CERS6: variants seen among roughly 807,000 people sequenced by gnomAD.
The protein encoded by CERS6 is LAG1 homolog, ceramide synthase 6.
In CERS6, 26 loss-of-function variants were observed where a neutral mutation model predicts 56.8. The observed-to-expected ratio is 0.46, with a 90% CI of 0.34 to 0.63. The LOEUF (loss-of-function observed/expected upper bound fraction) is 0.63. Among genes scored for constraint, CERS6 ranks in the 30% least tolerant of loss-of-function variants. CERS6 has a pLI of 0.01. For missense variants in CERS6, 415 were observed against 467.5 expected (o/e 0.89, Z 1.04); for synonymous variants, 164 against 173.3 (o/e 0.95, Z 0.42).
intron 3 of CERS6, among the ~76,000 whole-genome samples, chr2:168,622,071 A>G (rs913485538): frequency 6.6e-6 from 1 of 152,194 alleles, no homozygotes; most frequent in Non-Finnish European, 1.5e-5. Context: ...CACAGAGACT[A>G]ATACAATAAA....
rs746238053 is a variant in CERS6 at position 168,769,655 on chromosome 2, A to G, written c.1148A>G (p.Asp383Gly). Reference sequence around the variant, plus strand: ...CTCCTGACTGGCTCCTGCTCCATGGATGATTAATTACTCAAAACTACAAGT... The same window carrying G: ...CTCCTGACTGGCTCCTGCTCCATGGGTGATTAATTACTCAAAACTACAAGT... ...GYLLTGSCSM[D>G]D Residue 383 changes from aspartate (D) to glycine (G), a missense_variant, in exon 10 of 10, where the codon GAT (aspartate) becomes GGT (glycine). By Grantham distance (94) the Asp-to-Gly change is moderately conservative. Transcript: ENST00000305747. 2 of 1,609,998 alleles carry G rather than the reference A, an allele frequency of 1.2e-6. No homozygotes were observed. Among genetic ancestry groups the G allele is most frequent in the Admixed American group, 1.7e-5 (1 of 59,058 alleles).
At position 168,717,941 on chromosome 2, in the gene CERS6, G is replaced by A. The variant is rs775234472; in HGVS notation, c.808G>A (p.Val270Ile). 1 of 1,613,546 alleles carries A rather than the reference G, an allele frequency of 6.2e-7. No homozygotes were observed. Among genetic ancestry groups the A allele is most frequent in the Non-Finnish European group, 8.5e-7 (1 of 1,179,634 alleles). ...TCTCCTGTTTGTTATGTTTGCCGTG[G>A]TTTTTATCACCACACGACTGGGTAT... Reference protein sequence around the residue: ...CDLLFVMFAVVFITTRLGIFP... With the variant: ...CDLLFVMFAVIFITTRLGIFP... Residue 270 changes from valine (V) to isoleucine (I), a missense_variant, in exon 8 of 10, where the codon GTT becomes ATT. Coordinates refer to ENST00000305747, the MANE Select transcript of CERS6 (RefSeq NM_203463.3).
chr2:168,726,672 C>T (rs1001764310), intron 8 of CERS6, among the ~76,000 whole-genome samples: 3 of 152,084 alleles, frequency 2.0e-5, no homozygotes, highest in African/African-American at 7.2e-5. Flanking sequence ...ACCTACCTTA[C>T]CAAAAATGTT....
chr2:168,469,794 G>C (rs1319926905), intron 1 of CERS6, among the ~76,000 whole-genome samples: 1 of 152,140 alleles, frequency 6.6e-6, no homozygotes, highest in Non-Finnish European at 1.5e-5. Flanking sequence ...CAATACCACT[G>C]TCAGACACTG....
intron 4 of CERS6, among the ~76,000 whole-genome samples, chr2:168,690,561 A>G (rs933549527): frequency 3.9e-5 from 6 of 152,196 alleles, no homozygotes; most frequent in African/African-American, 1.2e-4. Flanking sequence ...TAAGAAGTAT[A>G]CCTGCATGTC....
chr2:168,574,532 A>G (rs1683206477), intron 3 of CERS6, among the ~76,000 whole-genome samples: 1 of 152,158 alleles, frequency 6.6e-6, no homozygotes, highest in Non-Finnish European at 1.5e-5. Flanking sequence ...TAGGATGAAC[A>G]AACAATCCTT....
chr2:168,594,836 A>G (rs1683759254), intron 3 of CERS6, among the ~76,000 whole-genome samples: 1 of 152,158 alleles, frequency 6.6e-6, no homozygotes, highest in Non-Finnish European at 1.5e-5. Context: ...CACTCTTTAG[A>G]ATTATTCTCT....
intron 1 of CERS6, among the ~76,000 whole-genome samples, chr2:168,493,069 T>A (rs960845903): frequency 9.9e-5 from 15 of 152,270 alleles, no homozygotes; most frequent in African/African-American, 3.6e-4. Context: ...ATGTGAAGAT[T>A]ATTAGAATAT....
chr2:168,662,956 T>C (rs776942844), intron 4 of CERS6, among the ~76,000 whole-genome samples: 1 of 152,198 alleles, frequency 6.6e-6, no homozygotes, highest in Non-Finnish European at 1.5e-5. Context: ...AGGCTGAAGA[T>C]TTTTCTTTTT....
At chr2:168,670,081 C>A (rs905660701) in intron 4 of CERS6, among the ~76,000 whole-genome samples, 3 of 152,174 alleles carry the variant, frequency 2.0e-5, no homozygotes, top group African/African-American at 7.2e-5. Flanking sequence ...AGAATAAAAT[C>A]AATGACATCT....
chr2:168,705,384 CA>C (rs751311405), intron 6 of CERS6, among the ~76,000 whole-genome samples: 24 of 152,076 alleles, frequency 1.6e-4, no homozygotes, highest in Middle Eastern at 3.4e-3. Flanking sequence ...AAAACAAAAA[CA>C]AAAACAAACC....
At chr2:168,658,533 G>A (rs1685549734) in intron 4 of CERS6, among the ~76,000 whole-genome samples, 1 of 152,230 alleles carries the variant, frequency 6.6e-6, no homozygotes, top group Non-Finnish European at 1.5e-5. Flanking sequence ...TCTGCACCTA[G>A]CCAGCAAAGA....
At chr2:168,654,463 A>C (rs1410733094) in intron 4 of CERS6, among the ~76,000 whole-genome samples, 1 of 152,182 alleles carries the variant, frequency 6.6e-6, no homozygotes, top group Non-Finnish European at 1.5e-5. Flanking sequence ...GAATCACTTG[A>C]ACCCGGGAGG....
chr2:168,651,178 G>A (rs1478400524), intron 4 of CERS6, among the ~76,000 whole-genome samples: 1 of 152,180 alleles, frequency 6.6e-6, no homozygotes, highest in African/African-American at 2.4e-5. Context: ...GTGCAGTGAT[G>A]CATGCTACAG....
At chr2:168,531,116 C>G (rs1160956294) in intron 1 of CERS6, among the ~76,000 whole-genome samples, 1 of 152,016 alleles carries the variant, frequency 6.6e-6, no homozygotes, top group Non-Finnish European at 1.5e-5. Context: ...GCTGTTTATT[C>G]TGGAAGAGAG....
intron 3 of CERS6, among the ~76,000 whole-genome samples, chr2:168,578,776 A>G (rs956899288): frequency 3.3e-5 from 5 of 152,196 alleles, no homozygotes; most frequent in Non-Finnish European, 5.9e-5. Context: ...ATAAGCAAAT[A>G]AAAACCGTAA....
intron 1 of CERS6, among the ~76,000 whole-genome samples, chr2:168,461,317 A>G (rs1458747127): frequency 2.0e-5 from 3 of 152,076 alleles, no homozygotes; most frequent in African/African-American, 4.8e-5. Flanking sequence ...GCCAGAGACT[A>G]GTGTGTGAGG....
At chr2:168,669,173 T>C (rs1355147546) in intron 4 of CERS6, among the ~76,000 whole-genome samples, 1 of 152,246 alleles carries the variant, frequency 6.6e-6, no homozygotes, top group Non-Finnish European at 1.5e-5. Flanking sequence ...TCTCTGTCTT[T>C]ATGCTCTACC....
chr2:168,759,496 G>T (rs571401649), intron 8 of CERS6, among the ~76,000 whole-genome samples: 12 of 152,232 alleles, frequency 7.9e-5, no homozygotes, highest in African/African-American at 2.6e-4. Flanking sequence ...CAACAGTAGA[G>T]GTTCGATGCT....
Sources: gnomAD v4.1 joint callset for allele counts (sites outside exome capture counted in the v4.1 genomes callset) on GRCh38, gnomAD v4.1.1 for gene constraint, MANE v1.5 for transcripts, NCBI Gene and HGNC (gene_info 2026-07-23, HGNC 2026-07-21) for gene names.